ANXA9: variants seen among roughly 807,000 people sequenced by gnomAD.
ANXA9 encodes the protein annexin A9.
Under a neutral mutation model 51.8 loss-of-function variants are expected in ANXA9, and 47 were observed. The observed-to-expected ratio is 0.91, with a 90% confidence interval of 0.72 to 1.16. ANXA9 has a LOEUF of 1.16. ANXA9 is among the 50% of genes most tolerant of loss of function. ANXA9 has a pLI of 0.00. For synonymous variants in ANXA9, 154 were observed against 168.7 expected, an observed-to-expected ratio of 0.91 and a Z score of 0.68; for missense variants, 361 against 424.7, an observed-to-expected ratio of 0.85 and a Z score of 1.32.
intron 7 of ANXA9, 65 bp downstream of exon 7, chr1:150,984,741 C>T (rs977147958): frequency 7.9e-6 from 11 of 1,385,534 alleles, no homozygotes; most frequent in African/African-American, 1.4e-5. Context: ...CCACTCCTCT[C>T]CTGTACTCCC....
At chr1:150,995,145 C>T (rs1198439309) in intron 13 of ANXA9, 115 bp from the exon 14 acceptor site, 29 of 1,066,042 alleles carry the variant, frequency 2.7e-5, no homozygotes, top group East Asian at 1.0e-4. Flanking sequence ...TCTGAGCTCC[C>T]GGGAGGACCC....
chr1:150,986,456 C>T (rs779643330), intron 8 of ANXA9, 41 bp downstream of exon 8: 1 of 1,604,238 alleles, frequency 6.2e-7, no homozygotes, highest in Non-Finnish European at 8.5e-7. Flanking sequence ...TCACGTTCAC[C>T]AGGCAAGGAG....
At chr1:150,989,264 C>T (rs1671642211) in intron 12 of ANXA9, among the ~76,000 whole-genome samples, 1 of 148,446 alleles carries the variant, frequency 6.7e-6, no homozygotes, top group African/African-American at 2.5e-5. Context: ...CAGGCGTGAG[C>T]CACTGCGCCC....
intron 7 of ANXA9, 110 bp from the exon 8 acceptor site, chr1:150,986,226 G>T: frequency 1.1e-6 from 1 of 890,162 alleles, no homozygotes. Flanking sequence ...ACTCCAAGCA[G>T]GGGCTAGCAG....
At chr1:150,987,500 G>A (rs906597572) in intron 9 of ANXA9, among the ~76,000 whole-genome samples, 18 of 151,926 alleles carry the variant, frequency 1.2e-4, no homozygotes, top group Admixed American at 3.9e-4. Flanking sequence ...GGCCGAGACA[G>A]GTGGATCACT....
chr1:150,988,270 T>C lies in ANXA9; in HGVS notation c.794-13T>C. On this transcript the variant is annotated splice_polypyrimidine_tract_variant and intron_variant, in intron 11 of 13. Transcript: ENST00000368947. ...CTAGTTGTGAACCTCCATCCTTCCA[T>C]CTTTGTTTCCAGCTTCGGTGATCAA... 1 of 1,614,170 alleles carries C rather than the reference T, an allele frequency of 6.2e-7. No individual in the cohort carries two copies. The highest frequency in any genetic ancestry group is 8.5e-7 in the Non-Finnish European group (1 of 1,180,026).
chr1:150,979,932 A>G (rs1671387996), upstream of ANXA9, among the ~76,000 whole-genome samples: 1 of 152,234 alleles, frequency 6.6e-6, no homozygotes, highest in Non-Finnish European at 1.5e-5. Flanking sequence ...GTTGATGATG[A>G]GGAAACTGAG....
At chr1:150,993,398 TC>T (rs1400607179) in intron 12 of ANXA9, among the ~76,000 whole-genome samples, 1 of 151,960 alleles carries the variant, frequency 6.6e-6, no homozygotes, top group Non-Finnish European at 1.5e-5. Flanking sequence ...AACGTCCGCC[TC>T]CCAGGTTCAA....
Position 150,983,435 on chromosome 1 carries a change from G to A in ANXA9, c.172+1G>A. On this transcript the variant is annotated splice_donor_variant, in intron 4 of 13. Transcript: ENST00000368947. LOFTEE classifies it high-confidence loss of function. ...CTACTGAGGGCCATTACTGGCCAAG[G>A]TGAGCCCCTTTCCCCCGGCACTTGA... The A allele has an allele frequency of 6.2e-7, 1 of 1,607,616 alleles. No homozygotes were observed. The highest frequency in any genetic ancestry group is 8.5e-7 in the Non-Finnish European group (1 of 1,176,880).
chr1:150,991,351 C>T (rs991497046), intron 12 of ANXA9, among the ~76,000 whole-genome samples: 1 of 150,630 alleles, frequency 6.6e-6, no homozygotes, highest in South Asian at 2.1e-4. Context: ...ATTCTTCTGC[C>T]TCAGCCTCCC....
Position 150,995,352 on chromosome 1 carries a change from C to G in ANXA9, c.*30C>G, listed in dbSNP as rs376190039. On this transcript the variant is annotated 3_prime_UTR_variant, in exon 14 of 14. Transcript: ENST00000368947. ...TCCCTGCCCCACCCCACATGACATC[C>G]GAGGATCTGAGATTTCCGTGTTTGG... The G allele has an allele frequency of 1.9e-6, 3 of 1,576,766 alleles. No individual in the cohort carries two copies. The highest frequency in any genetic ancestry group is 2.6e-6 in the Non-Finnish European group (3 of 1,160,664).
chr1:150,988,293 C>G lies in ANXA9; in HGVS notation c.804C>G (p.Ile268Met). The G allele has an allele frequency of 6.2e-7, 1 of 1,614,164 alleles. No individual in the cohort carries two copies. Among genetic ancestry groups the G allele is most frequent in the Non-Finnish European group, 8.5e-7 (1 of 1,180,038 alleles). Reference protein sequence around the residue: ...QVALLGLASVIKNTPLYFADK... With the variant: ...QVALLGLASVMKNTPLYFADK... ...CATCTTTGTTTCCAGCTTCGGTGAT[C>G]AAGAACACACCGCTGTACTTTGCTG... The change falls in exon 12 of 14, where the codon ATC becomes ATG. Residue 268 changes from isoleucine (I) to methionine (M), a missense_variant. Coordinates refer to ENST00000368947, the MANE Select transcript of ANXA9 (RefSeq NM_003568.3).
Position 150,991,016 on chromosome 1 carries a change from G to A in ANXA9, c.852+2675G>A, listed in dbSNP as rs587752479. ...AAATTAGCCAGGCGTGGTAGCGGGCGCCTGTAGTCCCAGCTACGCTGGAGG... is the reference window on the plus strand; with the variant it reads ...AAATTAGCCAGGCGTGGTAGCGGGCACCTGTAGTCCCAGCTACGCTGGAGG... On this transcript the variant is annotated intron_variant, in intron 12 of 13. Transcript: ENST00000368947. Among the ~76,000 whole-genome samples, 46 of 151,586 alleles carry A rather than the reference G, an allele frequency of 3.0e-4. 1 individual carries two copies. Among genetic ancestry groups the A allele is most frequent in the South Asian group, 8.4e-4 (4 of 4,776 alleles).
At chr1:150,994,538 TCTCA>T (rs937141001) in intron 12 of ANXA9, 35 bp from the exon 13 acceptor site, 4 of 1,611,022 alleles carry the variant, frequency 2.5e-6, no homozygotes, top group East Asian at 2.2e-5. Context: ...TCAGTGAGAC[TCTCA>T]CTAACTACCC....
In ANXA9 at chr1:150,983,991, C is replaced by T; in HGVS notation, c.189C>T (p.Ala63=). ...TCGGTTCAGGCGTGGACCGCAGTGC[C>T]ATTGTGGACGTGCTGACCAACCGGA... ...AITGQGVDRS[A]IVDVLTNRSR... The change falls in exon 5 of 14, where the codon GCC becomes GCT. Residue 63 remains alanine, a synonymous_variant. Coordinates refer to ENST00000368947, the MANE Select transcript of ANXA9 (RefSeq NM_003568.3). 1.9e-6 allele frequency: 3 copies of T among 1,612,516 alleles called. No individual in the cohort carries two copies. The highest frequency in any genetic ancestry group is 2.5e-6 in the Non-Finnish European group (3 of 1,179,580).
upstream of ANXA9, among the ~76,000 whole-genome samples, chr1:150,979,832 G>A (rs1025853474): frequency 2.0e-5 from 3 of 152,198 alleles, no homozygotes; most frequent in Non-Finnish European, 2.9e-5. Context: ...ACTTAACAGC[G>A]CTGTGCCCAG....
chr1:150,991,269 C>G (rs1029111102), intron 12 of ANXA9, among the ~76,000 whole-genome samples: 1 of 149,916 alleles, frequency 6.7e-6, no homozygotes, highest in African/African-American at 2.5e-5. Context: ...TCGAGTCTCA[C>G]TCTGTCGACC....
chr1:150,977,410 T>C (rs1299273005), upstream of ANXA9, among the ~76,000 whole-genome samples: 1 of 152,192 alleles, frequency 6.6e-6, no homozygotes, highest in East Asian at 1.9e-4. Context: ...CCGCTTGCCT[T>C]GGCTGGACCG....
intron 7 of ANXA9, among the ~76,000 whole-genome samples, chr1:150,985,013 A>C (rs1295515768): frequency 6.6e-6 from 1 of 151,816 alleles, no homozygotes; most frequent in Non-Finnish European, 1.5e-5. Flanking sequence ...AAATTCAAAA[A>C]AACCAGCTGG....
Sources: allele counts gnomAD v4.1 joint callset (sites outside exome capture counted in the v4.1 genomes callset), GRCh38; gene constraint gnomAD v4.1.1; transcripts MANE v1.5; gene names NCBI Gene and HGNC (gene_info 2026-07-23, HGNC 2026-07-21).